EPHA3: variants seen among roughly 807,000 people sequenced by gnomAD.
EPHA3 encodes EPH receptor A3, also known as ephrin type-A receptor 3.
Under a neutral mutation model 107.1 loss-of-function variants are expected in EPHA3, and 42 were observed. That is an observed-to-expected ratio of 0.39 (90% CI 0.31 to 0.51). The LOEUF (loss-of-function observed/expected upper bound fraction) is 0.51. Ranked by LOEUF, EPHA3 falls within the 20% of genes least tolerant of loss-of-function variation. EPHA3 has a pLI of 0.78. For synonymous variants in EPHA3, 461 were observed against 424.8 expected, an observed-to-expected ratio of 1.09 and a Z score of -1.05; for missense variants, 1,183 against 1,211.2, an observed-to-expected ratio of 0.98 and a Z score of 0.35.
chr3:89,128,858 G>A (rs1199776638), intron 2 of EPHA3, among the ~76,000 whole-genome samples: 1 of 151,836 alleles, frequency 6.6e-6, no homozygotes. Flanking sequence ...TTTATATTGG[G>A]AATTGGGGGA....
intron 3 of EPHA3, among the ~76,000 whole-genome samples, chr3:89,265,810 A>G (rs1705525820): frequency 1.3e-5 from 2 of 152,170 alleles, no homozygotes; most frequent in Non-Finnish European, 2.9e-5. Context: ...AGCACTGGTT[A>G]GATACCTGGG....
At chr3:89,279,078 TAAG>T (rs1027995959) in intron 3 of EPHA3, among the ~76,000 whole-genome samples, 1 of 152,212 alleles carries the variant, frequency 6.6e-6, no homozygotes, top group Non-Finnish European at 1.5e-5. Flanking sequence ...ATTTAAATTC[TAAG>T]AGTAGTCTTT....
intron 2 of EPHA3, among the ~76,000 whole-genome samples, chr3:89,174,438 A>C (rs1190561337): frequency 1.3e-5 from 2 of 151,978 alleles, no homozygotes; most frequent in African/African-American, 4.8e-5. Flanking sequence ...ACATACAATG[A>C]GCTTATTATC....
In EPHA3 at chr3:89,337,073, A is replaced by T. The variant is rs540137922; in HGVS notation, c.815-3843A>T. Among the ~76,000 whole-genome samples, 215 of 152,108 alleles carry T rather than the reference A, an allele frequency of 1.4e-3. 2 individuals are homozygous for T. The highest frequency in any genetic ancestry group is 6.9e-3 in the Middle Eastern group (2 of 290). On this transcript the variant is annotated intron_variant, in intron 3 of 16. Coordinates refer to ENST00000336596, the MANE Select transcript of EPHA3 (RefSeq NM_005233.6). ...GACCCTGGCTCAAAAAAAGAAAAAA[A>T]AAAAAAGAAAAACAAAAATCCTAAA...
chr3:89,140,817 A>C (rs1244543528), intron 2 of EPHA3, among the ~76,000 whole-genome samples: 3 of 151,704 alleles, frequency 2.0e-5, no homozygotes, highest in African/African-American at 7.2e-5. Flanking sequence ...TCTTTAGTAC[A>C]CTGAAATTTG....
chr3:89,245,021 G>A lies in EPHA3; in HGVS notation c.814+34501G>A, dbSNP rs139789300. ...GTGTATTGCAGAAAGGGTAAGTATTGTTGGCCATTCTTGAAGAAACATTTA... is the reference window on the plus strand; with the variant it reads ...GTGTATTGCAGAAAGGGTAAGTATTATTGGCCATTCTTGAAGAAACATTTA... On this transcript the variant is annotated intron_variant, in intron 3 of 16. Transcript: ENST00000336596. Among the ~76,000 whole-genome samples, 12 of 152,258 alleles carry A rather than the reference G, an allele frequency of 7.9e-5. No homozygotes were observed. The South Asian group carries it at 2.5e-3, about 32-fold the overall frequency.
chr3:89,417,711 A>G (rs1709275443), intron 10 of EPHA3, among the ~76,000 whole-genome samples: 1 of 151,378 alleles, frequency 6.6e-6, no homozygotes, highest in African/African-American at 2.4e-5. Context: ...ATAGCTGTAG[A>G]TATCATTATC....
intron 5 of EPHA3, among the ~76,000 whole-genome samples, chr3:89,347,045 G>T (rs1299651895): frequency 7.0e-6 from 1 of 142,780 alleles, no homozygotes; most frequent in Non-Finnish European, 1.5e-5. Flanking sequence ...TTGAAGTCAG[G>T]TAGTGTGATG....
At chr3:89,321,605 C>T (rs1415708158) in intron 3 of EPHA3, among the ~76,000 whole-genome samples, 2 of 151,750 alleles carry the variant, frequency 1.3e-5, no homozygotes, top group Admixed American at 6.6e-5. Context: ...CAAGTGCGAG[C>T]AAATAGAAAA....
chr3:89,161,977 C>T (rs559082595), intron 2 of EPHA3, among the ~76,000 whole-genome samples: 1 of 143,506 alleles, frequency 7.0e-6, no homozygotes, highest in South Asian at 2.3e-4. Flanking sequence ...GACTCTGTCT[C>T]AAAATAATAA....
At chr3:89,349,977 G>A (rs1281322679) in intron 5 of EPHA3, among the ~76,000 whole-genome samples, 10 of 149,780 alleles carry the variant, frequency 6.7e-5, no homozygotes, top group South Asian at 2.1e-4. Context: ...GGTTTCTGCC[G>A]AGAGATCCGC....
At chr3:89,325,685 A>G (rs777165906) in intron 3 of EPHA3, among the ~76,000 whole-genome samples, 16 of 152,188 alleles carry the variant, frequency 1.1e-4, no homozygotes, top group African/African-American at 2.2e-4. Flanking sequence ...TTCCTTTTAC[A>G]TATCATGTGA....
At chr3:89,313,008 C>T (rs975302619) in intron 3 of EPHA3, among the ~76,000 whole-genome samples, 5 of 151,786 alleles carry the variant, frequency 3.3e-5, no homozygotes, top group South Asian at 2.1e-4. Flanking sequence ...AGGTTGATTC[C>T]GGGTCTTTGC....
At chr3:89,351,349 C>T (rs1293438607) in intron 5 of EPHA3, among the ~76,000 whole-genome samples, 42 of 151,336 alleles carry the variant, frequency 2.8e-4, no homozygotes, top group African/African-American at 9.4e-4. Context: ...GTCTGAAAAG[C>T]GCAATATTCG....
chr3:89,374,452 G>A (rs1708365415), intron 5 of EPHA3, among the ~76,000 whole-genome samples: 1 of 151,814 alleles, frequency 6.6e-6, no homozygotes, highest in African/African-American at 2.4e-5. Flanking sequence ...TCCAACATTG[G>A]AAAAGGGAAG....
intron 3 of EPHA3, among the ~76,000 whole-genome samples, chr3:89,301,075 A>G (rs1431836554): frequency 1.3e-5 from 2 of 152,100 alleles, no homozygotes; most frequent in African/African-American, 4.8e-5. Context: ...GTGCTTGTCA[A>G]TGATCTAGAG....
chr3:89,279,815 T>A (rs183543475), intron 3 of EPHA3, among the ~76,000 whole-genome samples: 238 of 152,268 alleles, frequency 1.6e-3, no homozygotes, highest in Middle Eastern at 3.4e-3. Flanking sequence ...TAACAATAAA[T>A]AATATCAAAG....
At chr3:89,334,220 A>C (rs1707349284) in intron 3 of EPHA3, among the ~76,000 whole-genome samples, 2 of 152,332 alleles carry the variant, frequency 1.3e-5, no homozygotes, top group African/African-American at 2.4e-5. Context: ...AGTCCATTTG[A>C]CTATAAAACC....
chr3:89,381,552 C>T (rs1708509101), intron 5 of EPHA3, among the ~76,000 whole-genome samples: 1 of 151,856 alleles, frequency 6.6e-6, no homozygotes, highest in South Asian at 2.1e-4. Flanking sequence ...GCCTGCAATT[C>T]CATCTACTGG....
Sources: gnomAD v4.1 joint callset for allele counts (sites outside exome capture counted in the v4.1 genomes callset) on GRCh38, gnomAD v4.1.1 for gene constraint, MANE v1.5 for transcripts, NCBI Gene and HGNC (gene_info 2026-07-23, HGNC 2026-07-21) for gene names.